The following MBNL2 variants were observed in gnomAD, a reference collection of about 807,000 sequenced individuals.
MBNL2 encodes the protein muscleblind-like protein 2.
In MBNL2, 17 loss-of-function variants were observed where a neutral mutation model predicts 41.9. That is an observed-to-expected ratio of 0.41 (90% CI 0.28 to 0.61). The LOEUF (loss-of-function observed/expected upper bound fraction) is 0.61. Ranked by LOEUF, MBNL2 falls within the 20% of genes least tolerant of loss-of-function variation. MBNL2 has a pLI of 0.35. For synonymous variants in MBNL2, 195 were observed against 182.9 expected (o/e 1.07, Z -0.53); for missense variants, 336 against 505.6 (o/e 0.66, Z 3.22).
chr13:97,328,173 CTT>C (rs35671709), intron 2 of MBNL2, among the ~76,000 whole-genome samples: 5,103 of 131,660 alleles, frequency 0.039, 271 homozygotes, highest in African/African-American at 0.13. Context: ...TTCCTTAACC[CTT>C]TTTTTTTTTT....
intron 2 of MBNL2, among the ~76,000 whole-genome samples, chr13:97,287,123 A>G (rs2152959233): frequency 6.6e-6 from 1 of 152,336 alleles, no homozygotes; most frequent in East Asian, 1.9e-4. Context: ...GGCTTTGTAC[A>G]AAGAAGGCTC....
the MBNL2 span, among the ~76,000 whole-genome samples, chr13:97,186,025 G>A: frequency 6.6e-6 from 1 of 152,070 alleles, no homozygotes; most frequent in East Asian, 1.9e-4. Flanking sequence ...GTTTAGATTC[G>A]TGAGCCAGAT....
At chr13:97,252,302 T>A (rs1742572592) in intron 1 of MBNL2, among the ~76,000 whole-genome samples, 1 of 152,216 alleles carries the variant, frequency 6.6e-6, no homozygotes, top group Admixed American at 6.5e-5. Context: ...GCCAATCCCA[T>A]AAATTGTGAT....
chr13:97,187,633 C>T, the MBNL2 span, among the ~76,000 whole-genome samples: 5 of 140,576 alleles, frequency 3.6e-5, no homozygotes, highest in Non-Finnish European at 3.1e-5. Context: ...AGAGGCCGGG[C>T]GCGGTGGCTC....
the MBNL2 span, among the ~76,000 whole-genome samples, chr13:97,161,015 G>T: frequency 1.3e-5 from 2 of 152,204 alleles, no homozygotes; most frequent in Admixed American, 6.5e-5. Context: ...ATGGACAACA[G>T]CATCAGTTCA....
chr13:97,244,485 G>C, intron 1 of MBNL2, among the ~76,000 whole-genome samples: 1 of 152,246 alleles, frequency 6.6e-6, no homozygotes, highest in Non-Finnish European at 1.5e-5. Context: ...CTTATAGTCA[G>C]TATGAATCCC....
chr13:97,217,901 T>A (rs2040507823), upstream of MBNL2, among the ~76,000 whole-genome samples: 2 of 149,570 alleles, frequency 1.3e-5, no homozygotes, highest in African/African-American at 4.9e-5. Flanking sequence ...TGGAGAGGAG[T>A]GGATAGATTC....
At chr13:97,249,046 T>C (rs2046025182) in intron 1 of MBNL2, among the ~76,000 whole-genome samples, 1 of 152,234 alleles carries the variant, frequency 6.6e-6, no homozygotes, top group South Asian at 2.1e-4. Flanking sequence ...GTTGTTTATA[T>C]ATTAAACTAT....
chr13:97,205,209 T>G, the MBNL2 span, among the ~76,000 whole-genome samples: 1 of 142,768 alleles, frequency 7.0e-6, no homozygotes, highest in Non-Finnish European at 1.5e-5. Flanking sequence ...TATAAATTAT[T>G]TATATATTTA....
At chr13:97,292,042 TACAA>T (rs1488539098) in intron 2 of MBNL2, among the ~76,000 whole-genome samples, 2 of 146,568 alleles carry the variant, frequency 1.4e-5, no homozygotes, top group Admixed American at 6.8e-5. Context: ...TACTAAAAAA[TACAA>T]AAAAACTAGC....
intron 1 of MBNL2, among the ~76,000 whole-genome samples, chr13:97,270,788 C>A (rs1002521805): frequency 2.6e-5 from 4 of 152,136 alleles, no homozygotes; most frequent in Non-Finnish European, 1.5e-5. Flanking sequence ...GATGGCCATG[C>A]TGAAATGTGG....
At chr13:97,182,064 C>T in the MBNL2 span, among the ~76,000 whole-genome samples, 2 of 151,958 alleles carry the variant, frequency 1.3e-5, no homozygotes, top group South Asian at 4.2e-4. Flanking sequence ...ATTTTTTCTC[C>T]CTGTCTTATG....
At chr13:97,289,474 G>A (rs949351416) in intron 2 of MBNL2, among the ~76,000 whole-genome samples, 2 of 152,096 alleles carry the variant, frequency 1.3e-5, no homozygotes, top group Admixed American at 6.5e-5. Flanking sequence ...GCTAACTTTC[G>A]GTTGTTAACA....
chr13:97,319,637 C>T (rs1378932966), intron 2 of MBNL2, among the ~76,000 whole-genome samples: 1 of 152,142 alleles, frequency 6.6e-6, no homozygotes, highest in Non-Finnish European at 1.5e-5. Flanking sequence ...TCTTTGACTT[C>T]CATCCTGCTA....
intron 1 of MBNL2, among the ~76,000 whole-genome samples, chr13:97,230,046 C>T (rs1383174818): frequency 6.6e-6 from 1 of 152,166 alleles, no homozygotes; most frequent in Non-Finnish European, 1.5e-5. Flanking sequence ...GCCTGTAATC[C>T]CAGCACTTTG....
At chr13:97,259,313 C>T (rs1356567683) in intron 1 of MBNL2, among the ~76,000 whole-genome samples, 1 of 152,104 alleles carries the variant, frequency 6.6e-6, no homozygotes, top group Non-Finnish European at 1.5e-5. Context: ...AAGAATAAAA[C>T]CTCTGGGGCA....
chr13:97,331,000 ATAATTT>A (rs1172555005), intron 2 of MBNL2, among the ~76,000 whole-genome samples: 2 of 152,226 alleles, frequency 1.3e-5, no homozygotes, highest in African/African-American at 2.4e-5. Flanking sequence ...AGAGTTGAAA[ATAATTT>A]TAAACATAAA....
intron 3 of MBNL2, among the ~76,000 whole-genome samples, chr13:97,339,968 A>G (rs1339271532): frequency 6.6e-6 from 1 of 151,988 alleles, no homozygotes; most frequent in African/African-American, 2.4e-5. Flanking sequence ...ACTAGGAGCC[A>G]GGAGTCCCGG....
the MBNL2 span, among the ~76,000 whole-genome samples, chr13:97,182,817 T>A: frequency 2.0e-5 from 3 of 152,318 alleles, no homozygotes; most frequent in South Asian, 6.2e-4. Context: ...AAGAGCATCT[T>A]GAATTCCTTC....
Sources: allele counts gnomAD v4.1 joint callset (sites outside exome capture counted in the v4.1 genomes callset), GRCh38; gene constraint gnomAD v4.1.1; transcripts MANE v1.5; gene names NCBI Gene and HGNC (gene_info 2026-07-23, HGNC 2026-07-21).